The following CHD1L variants were observed in gnomAD, a reference collection of about 807,000 sequenced individuals.
The protein encoded by CHD1L is chromodomain helicase DNA binding protein 1 like.
A neutral mutation model predicts 115.9 loss-of-function variants in CHD1L; 118 were observed. The ratio of observed to expected loss-of-function variants is 1.02; its 90% CI spans 0.88 to 1.19. The LOEUF (loss-of-function observed/expected upper bound fraction) is 1.19. CHD1L is among the 50% of genes most tolerant of loss of function. The probability of loss-of-function intolerance (pLI) is 0.00; values close to 1 mark genes in which losing one functional copy is unlikely to be tolerated. For missense variants in CHD1L, 1,179 were observed against 1,065.3 expected (o/e 1.11, Z -1.49); for synonymous variants, 411 against 387.1 (o/e 1.06, Z -0.72).
At chr1:147,255,778 T>TA (rs1373840975) in intron 3 of CHD1L, 35 bp from the exon 4 acceptor site, 1 of 1,443,982 alleles carries the variant, frequency 6.9e-7, no homozygotes, top group African/African-American at 1.4e-5. Flanking sequence ...ATGGATCTAG[T>TA]ATTTATGTTT....
chr1:147,212,147 T>C, the CHD1L span, among the ~76,000 whole-genome samples: 3 of 152,350 alleles, frequency 2.0e-5, no homozygotes, highest in Non-Finnish European at 4.4e-5. Context: ...GCCCAGACTT[T>C]AGCTGATCCA....
In CHD1L at chr1:147,275,374, A is replaced by C; in HGVS notation, c.1291A>C (p.Thr431Pro). Residue 431 changes from threonine (T) to proline (P), a missense_variant, in exon 13 of 23, where the codon ACA becomes CCA. Coordinates refer to ENST00000369258, the MANE Select transcript of CHD1L (RefSeq NM_004284.6). ...TRAGGVGMNL[T>P]AADTVIFVDS... is the part of the protein sequence containing the mutation. The stretch of plus-strand genomic sequence containing the variant: ...TTCAGGTGGAGTTGGCATGAACTTA[A>C]CAGCAGCAGATACTGTGATTTTTGT... The C allele has an allele frequency of 6.2e-7, 1 of 1,613,878 alleles. No homozygotes were observed. Among genetic ancestry groups the C allele is most frequent in the Non-Finnish European group, 8.5e-7 (1 of 1,179,794 alleles).
intron 19 of CHD1L, among the ~76,000 whole-genome samples, 184 bp downstream of exon 19, chr1:147,287,917 C>T (rs1254461545): frequency 2.0e-5 from 3 of 152,210 alleles, no homozygotes; most frequent in Non-Finnish European, 4.4e-5. Flanking sequence ...TTTTCTGTAC[C>T]TGTTTCCTCA....
chr1:147,261,713 A>G (rs2102496577), intron 6 of CHD1L, among the ~76,000 whole-genome samples: 2 of 151,808 alleles, frequency 1.3e-5, no homozygotes, highest in East Asian at 1.9e-4. Flanking sequence ...CTTGTTATTC[A>G]TAAGGAAACT....
At chr1:147,231,902 G>A in the CHD1L span, among the ~76,000 whole-genome samples, 765 of 152,314 alleles carry the variant, frequency 5.0e-3, 3 homozygotes, top group Non-Finnish European at 9.2e-3. Flanking sequence ...GCCTCGCCCT[G>A]CTTCAGTTCA....
At chr1:147,284,827 G>A (rs781825903) in intron 16 of CHD1L, among the ~76,000 whole-genome samples, 12 of 152,176 alleles carry the variant, frequency 7.9e-5, no homozygotes, top group Non-Finnish European at 1.6e-4. Flanking sequence ...ATGACAAGAA[G>A]AGAGGATGGC....
the CHD1L span, among the ~76,000 whole-genome samples, chr1:147,218,304 C>T: frequency 6.6e-6 from 1 of 151,718 alleles, no homozygotes; most frequent in Non-Finnish European, 1.5e-5. Flanking sequence ...AGCACGATCT[C>T]AGCTCCCTGC....
chr1:147,195,836 G>A, the CHD1L span, among the ~76,000 whole-genome samples: 1 of 152,044 alleles, frequency 6.6e-6, no homozygotes, highest in African/African-American at 2.4e-5. Context: ...CTCTAACCTA[G>A]TGGTTATCTC....
the CHD1L span, among the ~76,000 whole-genome samples, chr1:147,188,522 C>CAAA: frequency 9.3e-4 from 57 of 61,198 alleles, no homozygotes; most frequent in Non-Finnish European, 1.2e-3. Context: ...GACCCCATAT[C>CAAA]AAAAAAAAAA....
chr1:147,287,366 G>A (rs1683573454), intron 18 of CHD1L, among the ~76,000 whole-genome samples: 1 of 152,100 alleles, frequency 6.6e-6, no homozygotes, highest in South Asian at 2.1e-4. Flanking sequence ...TCATTTGCCA[G>A]GAATCACAGA....
chr1:147,255,812 G>C lies in CHD1L; in HGVS notation c.348-1G>C, dbSNP rs781839261. Reference sequence around the variant, plus strand: ...TTATCTACTTCTTTTCTTGGATTCAGATTTGCTCCAGGTCTTTCCTGTGTA... The same window carrying C: ...TTATCTACTTCTTTTCTTGGATTCACATTTGCTCCAGGTCTTTCCTGTGTA... On this transcript the variant is annotated splice_acceptor_variant, in intron 3 of 22. Coordinates refer to ENST00000369258, the MANE Select transcript of CHD1L (RefSeq NM_004284.6). LOFTEE classifies it high-confidence loss of function. 6.9e-6 allele frequency: 11 copies of C among 1,600,232 alleles called. No individual in the cohort carries two copies. The East Asian group carries it at 2.2e-4, about 33-fold the overall frequency.
rs1433106412 is a variant in CHD1L, at chr1:147,287,819, C to T, written c.2320+86C>T. The T allele has an allele frequency of 3.7e-6, 4 of 1,073,796 alleles. No homozygotes were observed. The East Asian group carries it at 9.8e-5, about 26-fold the overall frequency. The allele number at this position is 1,073,796 out of a possible 1,614,324, so 66.5% of individuals were successfully genotyped here. A position where few individuals can be genotyped will look rare whatever the true frequency, so the allele number is the denominator to read the frequency against. On this transcript the variant is annotated intron_variant, in intron 19 of 22. Transcript: ENST00000369258. ...ACTGTATCGTGAGGGTTACACAGCA[C>T]TAGATAAGGAATTAGAATAACCAGT...
chr1:147,284,543 C>CA, intron 16 of CHD1L, 44 bp downstream of exon 16: 1 of 1,430,054 alleles, frequency 7.0e-7, no homozygotes, highest in South Asian at 1.4e-5. Context: ...TCCAAACTCT[C>CA]ATTCTAAAAC....
chr1:147,243,859 T>A (rs782787545), intron 1 of CHD1L, among the ~76,000 whole-genome samples: 29 of 152,222 alleles, frequency 1.9e-4, no homozygotes, highest in Non-Finnish European at 3.8e-4. Context: ...AAGTGCTCAG[T>A]ACCACGAAAG....
intron 2 of CHD1L, among the ~76,000 whole-genome samples, chr1:147,253,724 A>G (rs1430979330): frequency 6.6e-6 from 1 of 152,180 alleles, no homozygotes; most frequent in Non-Finnish European, 1.5e-5. Context: ...CCTTGAACTT[A>G]TGGGCTCAAG....
chr1:147,253,446 A>G (rs1571673600), intron 2 of CHD1L, among the ~76,000 whole-genome samples: 1 of 152,190 alleles, frequency 6.6e-6, no homozygotes, highest in East Asian at 1.9e-4. Flanking sequence ...AAAACTACCT[A>G]CCACCCTGTA....
the CHD1L span, among the ~76,000 whole-genome samples, chr1:147,216,260 C>G: frequency 6.6e-6 from 1 of 152,148 alleles, no homozygotes; most frequent in Non-Finnish European, 1.5e-5. Flanking sequence ...ATCCAACTAC[C>G]ATGAGACCAC....
intron 15 of CHD1L, among the ~76,000 whole-genome samples, chr1:147,282,896 C>T (rs1229643794): frequency 2.6e-5 from 4 of 152,236 alleles, no homozygotes; most frequent in Admixed American, 6.5e-5. Flanking sequence ...ATTTTCTCTT[C>T]GATGAATGGA....
chr1:147,193,747 C>G, the CHD1L span, among the ~76,000 whole-genome samples: 2 of 152,070 alleles, frequency 1.3e-5, no homozygotes, highest in African/African-American at 4.8e-5. Flanking sequence ...TTTATTTCTG[C>G]TTTCGTTTCG....
Sources: allele counts gnomAD v4.1 joint callset (sites outside exome capture counted in the v4.1 genomes callset), GRCh38; gene constraint gnomAD v4.1.1; transcripts MANE v1.5; gene names NCBI Gene and HGNC (gene_info 2026-07-23, HGNC 2026-07-21).